The following CSGALNACT1 variants were observed in gnomAD, a reference collection of about 807,000 sequenced individuals.
CSGALNACT1 encodes chondroitin sulfate N-acetylgalactosaminyltransferase 1.
In CSGALNACT1, 52 loss-of-function variants were observed where a neutral mutation model predicts 51.0. That is an observed-to-expected ratio of 1.02 (90% CI 0.82 to 1.29). CSGALNACT1 has a LOEUF of 1.29. CSGALNACT1 is among the 50% of genes most tolerant of loss of function. The pLI is 0.00. For synonymous variants in CSGALNACT1, 341 were observed against 254.4 expected (o/e 1.34, Z -3.24); for missense variants, 935 against 679.2 (o/e 1.38, Z -4.19).
chr8:19,516,049 G>C (rs186923419), intron 3 of CSGALNACT1, among the ~76,000 whole-genome samples: 1 of 152,216 alleles, frequency 6.6e-6, no homozygotes, highest in East Asian at 1.9e-4. Flanking sequence ...GGAGTCTTTT[G>C]GGGCTCTTGG....
At chr8:19,543,967 C>A (rs542631160) in intron 3 of CSGALNACT1, among the ~76,000 whole-genome samples, 1 of 152,246 alleles carries the variant, frequency 6.6e-6, no homozygotes, top group East Asian at 1.9e-4. Context: ...TCTTCCTGAT[C>A]AGCTTAGAGT....
At chr8:19,600,923 T>C (rs2154144089) in intron 2 of CSGALNACT1, among the ~76,000 whole-genome samples, 1 of 152,176 alleles carries the variant, frequency 6.6e-6, no homozygotes, top group Non-Finnish European at 1.5e-5. Flanking sequence ...GATATGTATA[T>C]GCTGAGTGCA....
At chr8:19,429,330 C>T (rs993060544) in intron 6 of CSGALNACT1, among the ~76,000 whole-genome samples, 1 of 152,142 alleles carries the variant, frequency 6.6e-6, no homozygotes, top group African/African-American at 2.4e-5. Context: ...GTGTGAGCCA[C>T]CACACCTGGC....
At chr8:19,476,388 C>A (rs1343907014) in intron 4 of CSGALNACT1, among the ~76,000 whole-genome samples, 1 of 152,010 alleles carries the variant, frequency 6.6e-6, no homozygotes, top group East Asian at 1.9e-4. Flanking sequence ...TTACAGGTGC[C>A]CACCACCACG....
chr8:19,416,504 AC>A (rs2056911801), intron 8 of CSGALNACT1, among the ~76,000 whole-genome samples: 1 of 152,314 alleles, frequency 6.6e-6, no homozygotes, highest in South Asian at 2.1e-4. Flanking sequence ...ACAGGCCTTC[AC>A]ATTCACTCAC....
At chr8:19,411,507 C>T (rs930240348) in intron 8 of CSGALNACT1, among the ~76,000 whole-genome samples, 5 of 152,188 alleles carry the variant, frequency 3.3e-5, no homozygotes, top group East Asian at 1.9e-4. Context: ...GAAACAGACA[C>T]GTTGCAAGAT....
At chr8:19,411,322 GCTGA>G (rs2055675737) in intron 8 of CSGALNACT1, among the ~76,000 whole-genome samples, 1 of 152,210 alleles carries the variant, frequency 6.6e-6, no homozygotes, top group Non-Finnish European at 1.5e-5. Context: ...TTCTCTGTTT[GCTGA>G]CTGTCTTCAG....
intron 1 of CSGALNACT1, among the ~76,000 whole-genome samples, chr8:19,751,642 A>T (rs902484637): frequency 1.3e-5 from 2 of 152,204 alleles, no homozygotes; most frequent in Non-Finnish European, 2.9e-5. Context: ...GTCAAATTAT[A>T]ATCCCCACAT....
chr8:19,501,466 T>A (rs1248536965), intron 4 of CSGALNACT1, among the ~76,000 whole-genome samples: 1 of 152,144 alleles, frequency 6.6e-6, no homozygotes, highest in Admixed American at 6.5e-5. Context: ...CCTTCACTTT[T>A]CTGTGGAACA....
chr8:19,567,033 G>A (rs2042037551), intron 3 of CSGALNACT1, among the ~76,000 whole-genome samples: 2 of 152,154 alleles, frequency 1.3e-5, no homozygotes, highest in Admixed American at 6.5e-5. Context: ...ACTCATACTC[G>A]GGTTTCCTCC....
At chr8:19,525,113 A>T (rs997981626) in intron 3 of CSGALNACT1, among the ~76,000 whole-genome samples, 4 of 152,208 alleles carry the variant, frequency 2.6e-5, no homozygotes, top group Admixed American at 2.6e-4. Context: ...TTCAGTATGG[A>T]AACTTTGTGT....
chr8:19,560,385 G>T (rs149245620), intron 3 of CSGALNACT1, among the ~76,000 whole-genome samples: 1 of 152,222 alleles, frequency 6.6e-6, no homozygotes, highest in East Asian at 1.9e-4. Flanking sequence ...AGTGGCTGAC[G>T]AATATGACTA....
chr8:19,594,435 TA>T (rs879429601), intron 2 of CSGALNACT1, among the ~76,000 whole-genome samples: 6 of 152,050 alleles, frequency 3.9e-5, no homozygotes, highest in Non-Finnish European at 5.9e-5. Context: ...AGACGAACAA[TA>T]ACATTGAGAC....
intron 3 of CSGALNACT1, among the ~76,000 whole-genome samples, chr8:19,506,988 C>T (rs2077454749): frequency 1.3e-5 from 2 of 152,200 alleles, no homozygotes; most frequent in South Asian, 4.1e-4. Context: ...CATGTGTTCA[C>T]CTGTGTGCAC....
At chr8:19,472,634 T>C (rs1057352931) in intron 4 of CSGALNACT1, among the ~76,000 whole-genome samples, 1 of 152,258 alleles carries the variant, frequency 6.6e-6, no homozygotes, top group Non-Finnish European at 1.5e-5. Flanking sequence ...AGTACAGCTC[T>C]TTCAAGGTGA....
intron 3 of CSGALNACT1, among the ~76,000 whole-genome samples, chr8:19,589,133 G>T (rs1208909989): frequency 6.6e-6 from 1 of 152,138 alleles, no homozygotes; most frequent in African/African-American, 2.4e-5. Context: ...GGATTGTCTA[G>T]GGTGTTATGA....
intron 1 of CSGALNACT1, among the ~76,000 whole-genome samples, chr8:19,607,725 T>C (rs960888164): frequency 1.3e-5 from 2 of 152,152 alleles, no homozygotes; most frequent in African/African-American, 4.8e-5. Context: ...CTTAAATGAG[T>C]TACTGTGAGA....
At chr8:19,618,623 C>A (rs865973291) in intron 1 of CSGALNACT1, among the ~76,000 whole-genome samples, 36 of 48,550 alleles carry the variant, frequency 7.4e-4, no homozygotes, top group African/African-American at 2.6e-3. Flanking sequence ...CAGAGGAATA[C>A]TCCATCAAAA....
chr8:19,728,582 C>G (rs1225139518), intron 1 of CSGALNACT1, among the ~76,000 whole-genome samples: 5 of 152,098 alleles, frequency 3.3e-5, no homozygotes, highest in African/African-American at 7.2e-5. Flanking sequence ...AATCTGAGTA[C>G]ACACGCACAC....
Sources: gnomAD v4.1 joint callset for allele counts (sites outside exome capture counted in the v4.1 genomes callset) on GRCh38, gnomAD v4.1.1 for gene constraint, MANE v1.5 for transcripts, NCBI Gene and HGNC (gene_info 2026-07-23, HGNC 2026-07-21) for gene names.